Variants in AKT3 observed in about 807,000 individuals in gnomAD.
AKT3 encodes RAC-gamma serine/threonine-protein kinase.
In AKT3, 15 loss-of-function variants were observed where a neutral mutation model predicts 65.3. The ratio of observed to expected loss-of-function variants is 0.23; its 90% CI spans 0.15 to 0.35. AKT3 has a LOEUF of 0.35. Among genes scored for constraint, AKT3 ranks in the 10% least tolerant of loss-of-function variants. The pLI is 1.00. For synonymous variants in AKT3, 206 were observed against 183.8 expected (o/e 1.12, Z -0.98); for missense variants, 243 against 576.5 (o/e 0.42, Z 5.92).
intron 3 of AKT3, among the ~76,000 whole-genome samples, chr1:243,685,405 G>T (rs894499521): frequency 6.6e-6 from 1 of 152,122 alleles, no homozygotes; most frequent in Non-Finnish European, 1.5e-5. Flanking sequence ...TGGCTAGCCA[G>T]TTTTCCCAAC....
At chr1:243,681,338 G>A (rs1683906483) in intron 3 of AKT3, among the ~76,000 whole-genome samples, 1 of 152,058 alleles carries the variant, frequency 6.6e-6, no homozygotes, top group Non-Finnish European at 1.5e-5. Flanking sequence ...AATATTTCAA[G>A]AAATAATTAT....
intron 2 of AKT3, among the ~76,000 whole-genome samples, chr1:243,823,294 T>G (rs1170353211): frequency 6.6e-6 from 1 of 152,224 alleles, no homozygotes; most frequent in Non-Finnish European, 1.5e-5. Flanking sequence ...ACAAGCCATT[T>G]ATGATAAAAT....
At chr1:243,692,570 TA>T (rs562196173) in intron 3 of AKT3, among the ~76,000 whole-genome samples, 17 of 144,806 alleles carry the variant, frequency 1.2e-4, no homozygotes, top group Admixed American at 2.1e-4. Context: ...CCATCTCTAC[TA>T]AAAAAAAAAT....
chr1:243,569,539 G>A (rs1674403441), intron 9 of AKT3, among the ~76,000 whole-genome samples: 1 of 152,166 alleles, frequency 6.6e-6, no homozygotes, highest in Non-Finnish European at 1.5e-5. Flanking sequence ...GAACATTAGG[G>A]AGCTGATGAG....
At chr1:243,689,411 T>C (rs1306962526) in intron 3 of AKT3, among the ~76,000 whole-genome samples, 1 of 151,902 alleles carries the variant, frequency 6.6e-6, no homozygotes, top group African/African-American at 2.4e-5. Context: ...GTATGTCCAC[T>C]AGAAGTATTA....
At chr1:243,849,275 A>C (rs1294257579) in intron 1 of AKT3, among the ~76,000 whole-genome samples, 1 of 152,110 alleles carries the variant, frequency 6.6e-6, no homozygotes, top group Non-Finnish European at 1.5e-5. Flanking sequence ...GGATCAGCCA[A>C]ACCCAGCATC....
At chr1:243,832,200 A>G (rs1694583525) in intron 2 of AKT3, among the ~76,000 whole-genome samples, 2 of 148,318 alleles carry the variant, frequency 1.3e-5, no homozygotes, top group African/African-American at 5.0e-5. Flanking sequence ...CTAGGTTGAA[A>G]TTCTACATAT....
chr1:243,761,649 TC>T (rs1689497704), intron 2 of AKT3, among the ~76,000 whole-genome samples: 2 of 152,048 alleles, frequency 1.3e-5, no homozygotes, highest in South Asian at 4.1e-4. Flanking sequence ...TATTGTATGA[TC>T]CCACTCACAT....
intron 12 of AKT3, among the ~76,000 whole-genome samples, chr1:243,514,645 C>T (rs112378824): frequency 5.3e-5 from 8 of 152,268 alleles, no homozygotes; most frequent in African/African-American, 1.9e-4. Context: ...AATTAACATA[C>T]ACTAAACAGC....
chr1:243,829,398 A>G (rs1026391677), intron 2 of AKT3, among the ~76,000 whole-genome samples: 18 of 152,324 alleles, frequency 1.2e-4, no homozygotes, highest in African/African-American at 4.3e-4. Context: ...AGTCTGACAT[A>G]TTAAACTACT....
chr1:243,553,347 C>T (rs1008375173), intron 10 of AKT3, among the ~76,000 whole-genome samples: 1 of 152,148 alleles, frequency 6.6e-6, no homozygotes, highest in African/African-American at 2.4e-5. Context: ...TTATAGAGCA[C>T]ATAAAGTGCA....
At chr1:243,787,474 C>T (rs557806294) in intron 2 of AKT3, among the ~76,000 whole-genome samples, 1 of 152,264 alleles carries the variant, frequency 6.6e-6, no homozygotes, top group Admixed American at 6.5e-5. Context: ...CTCCACACTT[C>T]CCACCCCCGA....
At chr1:243,616,307 T>TA (rs57576796) in intron 6 of AKT3, among the ~76,000 whole-genome samples, 13,244 of 66,578 alleles carry the variant, frequency 0.2, 2,179 homozygotes, top group African/African-American at 0.3. Context: ...GTGCTTTTCT[T>TA]AAAAAAAAAA....
chr1:243,849,079 T>C (rs1001630301), intron 1 of AKT3, among the ~76,000 whole-genome samples: 43 of 152,222 alleles, frequency 2.8e-4, no homozygotes, highest in African/African-American at 9.9e-4. Context: ...AAACAAGGGA[T>C]GGTGACCCCG....
At chr1:243,813,382 CAGTGTATATTGCTTGGGTGATGGGTGT>C (rs1033906111) in intron 2 of AKT3, among the ~76,000 whole-genome samples, 2 of 151,650 alleles carry the variant, frequency 1.3e-5, no homozygotes, top group African/African-American at 2.4e-5. Flanking sequence ...AAATTGGGTT[CAGTGTATATTGCTTGGGTGATGGGTGT>C]ACCAAAATCT....
chr1:243,799,000 C>T (rs1692218809), intron 2 of AKT3, among the ~76,000 whole-genome samples: 1 of 152,178 alleles, frequency 6.6e-6, no homozygotes, highest in South Asian at 2.1e-4. Context: ...CTGGGTGTGG[C>T]CCTGGCTTCA....
chr1:243,655,365 T>C (rs570943041), intron 4 of AKT3, among the ~76,000 whole-genome samples: 1 of 152,322 alleles, frequency 6.6e-6, no homozygotes, highest in South Asian at 2.1e-4. Context: ...CTCTGTAGAA[T>C]CAAACAATTT....
At chr1:243,618,730 G>A (rs1678520815) in intron 6 of AKT3, among the ~76,000 whole-genome samples, 1 of 152,006 alleles carries the variant, frequency 6.6e-6, no homozygotes, top group Non-Finnish European at 1.5e-5. Context: ...TCAGGCAGAA[G>A]AATAGTCTTT....
At chr1:243,517,143 C>A (rs1487469691) in intron 12 of AKT3, among the ~76,000 whole-genome samples, 2 of 147,440 alleles carry the variant, frequency 1.4e-5, no homozygotes, top group Non-Finnish European at 3.0e-5. Flanking sequence ...TTCCATAGAT[C>A]TGTGTTTTTT....
Sources: gnomAD v4.1 joint callset for allele counts (sites outside exome capture counted in the v4.1 genomes callset) on GRCh38, gnomAD v4.1.1 for gene constraint, MANE v1.5 for transcripts, NCBI Gene and HGNC (gene_info 2026-07-23, HGNC 2026-07-21) for gene names.